Variants in RARB observed in about 807,000 individuals in gnomAD.
The protein encoded by RARB is HBV-activated protein.
In RARB, 17 loss-of-function variants were observed where a neutral mutation model predicts 51.9. The observed-to-expected ratio is 0.33, with a 90% CI of 0.22 to 0.49. The LOEUF is 0.49. RARB is among the 20% of genes least tolerant of loss of function. The pLI is 0.99. For missense variants in RARB, 369 were observed against 550.8 expected, an observed-to-expected ratio of 0.67 and a Z score of 3.30; for synonymous variants, 215 against 195.4, an observed-to-expected ratio of 1.10 and a Z score of -0.84.
intron 5 of RARB, among the ~76,000 whole-genome samples, chr3:25,295,608 T>C (rs1371961091): frequency 3.3e-5 from 5 of 152,238 alleles, no homozygotes; most frequent in Non-Finnish European, 7.3e-5. Flanking sequence ...CCCAGCCTCA[T>C]GACACTTTTA....
At chr3:25,288,981 A>G (rs1257826140) in intron 5 of RARB, among the ~76,000 whole-genome samples, 1 of 152,196 alleles carries the variant, frequency 6.6e-6, no homozygotes, top group Non-Finnish European at 1.5e-5. Context: ...AATTTCTGGA[A>G]CAGTACTCCC....
chr3:25,586,732 A>T, intron 5 of RARB, among the ~76,000 whole-genome samples: 1 of 152,190 alleles, frequency 6.6e-6, no homozygotes, highest in East Asian at 1.9e-4. Flanking sequence ...CTGTATAGCC[A>T]TGGAGGGCCG....
At chr3:25,483,885 T>C (rs192399327) in intron 2 of RARB, among the ~76,000 whole-genome samples, 39 of 152,340 alleles carry the variant, frequency 2.6e-4, no homozygotes, top group Admixed American at 1.2e-3. Flanking sequence ...AAATGCTAAT[T>C]ATCGTTCTCA....
intron 2 of RARB, among the ~76,000 whole-genome samples, chr3:24,949,625 A>G (rs1201774301): frequency 6.6e-6 from 1 of 152,212 alleles, no homozygotes; most frequent in African/African-American, 2.4e-5. Flanking sequence ...TGTATTGAAA[A>G]CAAAATGTGA....
intron 2 of RARB, among the ~76,000 whole-genome samples, chr3:25,035,895 A>G (rs980430832): frequency 4.6e-5 from 7 of 152,254 alleles, no homozygotes; most frequent in African/African-American, 1.2e-4. Flanking sequence ...GACTGCCACA[A>G]CTGAGGTGGT....
At chr3:25,563,765 A>AC (rs1337196225) in intron 3 of RARB, among the ~76,000 whole-genome samples, 1 of 152,178 alleles carries the variant, frequency 6.6e-6, no homozygotes, top group Non-Finnish European at 1.5e-5. Context: ...ACTCATGACA[A>AC]CCCCATAGTT....
chr3:25,486,286 G>T (rs1453394466), intron 2 of RARB, among the ~76,000 whole-genome samples: 2 of 152,136 alleles, frequency 1.3e-5, no homozygotes, highest in African/African-American at 2.4e-5. Flanking sequence ...AGTGCTAGAA[G>T]GCATGTAGAG....
intron 2 of RARB, among the ~76,000 whole-genome samples, chr3:24,913,365 T>C (rs1695039746): frequency 6.6e-6 from 1 of 150,868 alleles, no homozygotes; most frequent in African/African-American, 2.4e-5. Context: ...AACTTACAAA[T>C]GTATGAAGTG....
At chr3:25,080,928 T>C (rs1438753637) in intron 3 of RARB, among the ~76,000 whole-genome samples, 2 of 152,136 alleles carry the variant, frequency 1.3e-5, no homozygotes, top group Non-Finnish European at 2.9e-5. Context: ...CTTGTAGTTA[T>C]TAATTTTTAA....
intron 2 of RARB, among the ~76,000 whole-genome samples, chr3:25,000,291 A>C (rs1697132249): frequency 6.6e-6 from 1 of 152,132 alleles, no homozygotes; most frequent in Non-Finnish European, 1.5e-5. Flanking sequence ...AAAGTAATAC[A>C]AATGTTTCCA....
intron 3 of RARB, among the ~76,000 whole-genome samples, chr3:25,066,267 ATGACT>A (rs902712934): frequency 2.0e-5 from 3 of 152,160 alleles, no homozygotes; most frequent in Non-Finnish European, 4.4e-5. Flanking sequence ...GTTTATTTTG[ATGACT>A]TGAATTGGTT....
intron 4 of RARB, among the ~76,000 whole-genome samples, chr3:25,168,189 A>G (rs979947508): frequency 1.3e-5 from 2 of 152,178 alleles, no homozygotes; most frequent in Admixed American, 6.5e-5. Context: ...GCAGAATAAA[A>G]CACTGAAAAG....
intron 2 of RARB, among the ~76,000 whole-genome samples, chr3:24,943,311 T>G (rs766752415): frequency 4.6e-5 from 7 of 152,218 alleles, no homozygotes; most frequent in African/African-American, 7.2e-5. Flanking sequence ...GCAATGTGAT[T>G]AGCAGCCAAA....
Position 25,056,599 on chromosome 3 carries a change from C to T in RARB, c.-379-3526C>T, listed in dbSNP as rs114380126. On this transcript the variant is annotated intron_variant, in intron 2 of 11. Transcript: ENST00000383772. ...ACTCTGTCCCAGAGCAATAGATCCT[C>T]TTAGTAGCAGTTTCATTATAATGAA... 4.6e-3 allele frequency among the ~76,000 whole-genome samples: 705 copies of T among 152,162 alleles called. 6 individuals carry two copies. Among genetic ancestry groups the T allele is most frequent in the African/African-American group, 0.016 (655 of 41,536 alleles).
chr3:24,878,031 G>T (rs1037193587), intron 2 of RARB, among the ~76,000 whole-genome samples: 3 of 152,098 alleles, frequency 2.0e-5, no homozygotes, highest in Non-Finnish European at 2.9e-5. Flanking sequence ...AGTACTACAC[G>T]TGCAAGGTTC....
intron 1 of RARB, among the ~76,000 whole-genome samples, chr3:24,856,039 T>C (rs1575037671): frequency 1.3e-5 from 2 of 150,474 alleles, no homozygotes; most frequent in Admixed American, 1.3e-4. Flanking sequence ...CGTGAACCAC[T>C]GCGCCTGGCC....
chr3:25,543,103 C>T (rs1699452307), intron 3 of RARB, among the ~76,000 whole-genome samples: 1 of 152,186 alleles, frequency 6.6e-6, no homozygotes, highest in Admixed American at 6.5e-5. Flanking sequence ...CCAGGAATGC[C>T]ACTAAACCTC....
In RARB at chr3:25,565,033, G is replaced by A. The variant is rs115167012; in HGVS notation, c.449-4725G>A. Among the ~76,000 whole-genome samples, 1,495 of 152,136 alleles carry A rather than the reference G, an allele frequency of 9.8e-3. 14 individuals carry two copies. The highest frequency in any genetic ancestry group is 0.033 in the African/African-American group (1,358 of 41,506). On this transcript the variant is annotated intron_variant, in intron 3 of 7. Transcript: ENST00000330688. ...CAATTTACCCTCCCAATTCCCCAGC[G>A]TTAGCTTCCTAATCTAGGACCAGTA...
chr3:25,527,047 T>G (rs775503822), intron 3 of RARB, among the ~76,000 whole-genome samples: 1 of 152,234 alleles, frequency 6.6e-6, no homozygotes, highest in Non-Finnish European at 1.5e-5. Context: ...TGGGAAAGAT[T>G]GAGTTACTTA....
Sources: gnomAD v4.1 joint callset for allele counts (sites outside exome capture counted in the v4.1 genomes callset) on GRCh38, gnomAD v4.1.1 for gene constraint, MANE v1.5 for transcripts, NCBI Gene and HGNC (gene_info 2026-07-23, HGNC 2026-07-21) for gene names.